The following SYNE1 variants were observed in gnomAD, a reference collection of about 807,000 sequenced individuals.
SYNE1 encodes nesprin-1.
Under a neutral mutation model 1,111.0 loss-of-function variants are expected in SYNE1, and 616 were observed. The ratio of observed to expected loss-of-function variants is 0.55; its 90% CI spans 0.52 to 0.59. SYNE1 has a LOEUF of 0.59. Ranked by LOEUF, SYNE1 falls within the 20% of genes least tolerant of loss-of-function variation. The probability of loss-of-function intolerance (pLI) is 0.00; values close to 1 mark genes in which losing one functional copy is unlikely to be tolerated. For synonymous variants in SYNE1, 3,855 were observed against 3,825.8 expected, an observed-to-expected ratio of 1.01 and a Z score of -0.28; for missense variants, 10,006 against 10,417.0, an observed-to-expected ratio of 0.96 and a Z score of 1.72.
chr6:152,148,237 C>T lies in SYNE1; in HGVS notation c.24784G>A (p.Ala8262Thr), dbSNP rs886043013. 1.1e-5 allele frequency: 17 copies of T among 1,613,634 alleles called. No individual in the cohort carries two copies. The highest frequency in any genetic ancestry group is 1.6e-4 in the Middle Eastern group (1 of 6,084). ...GACCGCTCGCTCCGGAGGGGCTGAG[C>T]GAGCGAGAGGGAGAGATTGGAGGAA... ...QPSSNLSLSL[A>T]QPLRSERSGR... is the part of the protein sequence containing the mutation. Residue 8262 changes from alanine to threonine, a missense_variant, in exon 137 of 146, where the codon GCT becomes ACT. By Grantham distance (58) the Ala-to-Thr change is moderately conservative (BLOSUM62 0). Transcript: ENST00000367255. This position sits in a 1 kb window ranked among gnomAD's most constrained non-coding sequence, Gnocchi z 4.1.
At chr6:152,363,319 C>T (rs1397802134) in intron 63 of SYNE1, among the ~76,000 whole-genome samples, 1 of 148,734 alleles carries the variant, frequency 6.7e-6, no homozygotes, top group Non-Finnish European at 1.5e-5. Context: ...ACAGTGAAAC[C>T]CCGTCTCTAC....
chr6:152,567,311 A>G (rs2099417097), intron 3 of SYNE1, among the ~76,000 whole-genome samples: 1 of 149,660 alleles, frequency 6.7e-6, no homozygotes, highest in South Asian at 2.1e-4. Flanking sequence ...AATGCTAAGC[A>G]TAACCATTTT....
intron 104 of SYNE1, among the ~76,000 whole-genome samples, 180 bp downstream of exon 104, chr6:152,254,688 CCTTCCATTTCTA>C (rs1437294586): frequency 6.6e-6 from 1 of 152,146 alleles, no homozygotes; most frequent in East Asian, 1.9e-4. Flanking sequence ...GTTTTCTCAA[CCTTCCATTTCTA>C]GGAGCAAAAA....
chr6:152,148,463 AT>A lies in SYNE1; in HGVS notation c.24643-86del. On this transcript the variant is annotated intron_variant, in intron 136 of 145. Transcript: ENST00000367255. The surrounding 1 kb of genome is among the most constrained non-coding windows in gnomAD (Gnocchi z 4.1). ...GCCACCTGCCTACCATGTGGGGACAATTTTTAACTTCTTATGAGCAAATAAA... is the reference window on the plus strand; with the variant it reads ...GCCACCTGCCTACCATGTGGGGACAATTTTAACTTCTTATGAGCAAATAAA... The A allele has an allele frequency of 8.2e-7, 1 of 1,216,972 alleles. No individual in the cohort carries two copies. Among genetic ancestry groups the A allele is most frequent in the Non-Finnish European group, 1.2e-6 (1 of 847,962 alleles). 75.4% of individuals were successfully genotyped at this position (1,216,972 alleles called of 1,614,324 possible). A position where few individuals can be genotyped will look rare whatever the true frequency, so the allele number is the denominator to read the frequency against.
At chr6:152,508,739 G>A (rs1426097955) in intron 8 of SYNE1, among the ~76,000 whole-genome samples, 2 of 152,286 alleles carry the variant, frequency 1.3e-5, no homozygotes, top group African/African-American at 4.8e-5. Flanking sequence ...AGCAATGTGG[G>A]AAGGGTTTTT....
chr6:152,435,792 T>G (rs2098469031), intron 33 of SYNE1, 149 bp downstream of exon 33: 2 of 969,028 alleles, frequency 2.1e-6, no homozygotes, highest in African/African-American at 3.3e-5. Flanking sequence ...AGCGATACTT[T>G]CTTTTGAACT....
intron 52 of SYNE1, among the ~76,000 whole-genome samples, 197 bp downstream of exon 52, chr6:152,391,080 A>G (rs2154133335): frequency 6.6e-6 from 1 of 152,352 alleles, no homozygotes; most frequent in African/African-American, 2.4e-5. Flanking sequence ...AATTATTTAA[A>G]GCTATTAAAA....
intron 4 of SYNE1, among the ~76,000 whole-genome samples, chr6:152,535,652 A>G (rs1215978732): frequency 6.6e-6 from 1 of 152,210 alleles, no homozygotes; most frequent in African/African-American, 2.4e-5. Flanking sequence ...CTATTTGATA[A>G]AATGAGAGAA....
chr6:152,404,132 C>T, intron 46 of SYNE1, 81 bp downstream of exon 46: 1 of 898,198 alleles, frequency 1.1e-6, no homozygotes, highest in South Asian at 1.3e-5. Flanking sequence ...CACACACACA[C>T]ACACAGAGAC....
intron 101 of SYNE1, among the ~76,000 whole-genome samples, chr6:152,259,138 C>T (rs144190380): frequency 6.6e-6 from 1 of 152,276 alleles, no homozygotes; most frequent in East Asian, 1.9e-4. Context: ...CCCATTGCAG[C>T]TGGGATATCC....
At position 152,130,765 on chromosome 6, in the gene SYNE1, C is replaced by T. The variant is rs759937382; in HGVS notation, c.26108G>A (p.Cys8703Tyr). 4 of 1,614,046 alleles carry T rather than the reference C, an allele frequency of 2.5e-6. No homozygotes were observed. The highest frequency in any genetic ancestry group is 1.7e-5 in the Admixed American group (1 of 60,010). ...PNRQKTPRGKCSLSQPGPSVS... is the reference protein window; with the variant it reads ...PNRQKTPRGKYSLSQPGPSVS... ...AGAGGGTCCAGGCTGTGAGAGACTA[C>T]ACTTGCCTCGTGGCTGTTTGCAATG... The change falls in exon 145 of 146, where the codon TGT becomes TAT. Residue 8703 changes from cysteine to tyrosine, a missense_variant. This residue lies in a region of SYNE1 where 761 missense variants were observed against 795.5 expected (regional missense o/e 0.96). Coordinates refer to ENST00000367255, the MANE Select transcript of SYNE1 (RefSeq NM_182961.4).
At chr6:152,249,549 A>G (rs2088479996) in intron 104 of SYNE1, among the ~76,000 whole-genome samples, 1 of 152,240 alleles carries the variant, frequency 6.6e-6, no homozygotes, top group Non-Finnish European at 1.5e-5. Context: ...TTACATCCGA[A>G]ATAAATGAGC....
chr6:152,427,557 T>G (rs891989961), intron 38 of SYNE1, 136 bp downstream of exon 38: 1 of 1,050,434 alleles, frequency 9.5e-7, no homozygotes, highest in African/African-American at 1.6e-5. Context: ...AACACCCTGA[T>G]GTCAAATGAT....
chr6:152,367,776 T>A, intron 61 of SYNE1: 1 of 233,914 alleles, frequency 4.3e-6, no homozygotes, highest in South Asian at 6.3e-5. Flanking sequence ...AAAAAAAAAA[T>A]AATCTGAGAT....
At chr6:152,179,905 G>A (rs1294711164) in intron 129 of SYNE1, among the ~76,000 whole-genome samples, 4 of 151,700 alleles carry the variant, frequency 2.6e-5, no homozygotes, top group Non-Finnish European at 5.9e-5. Context: ...GGATGGTCTT[G>A]ATCTCCTGAC....
chr6:152,499,616 T>C (rs368388499), intron 10 of SYNE1, among the ~76,000 whole-genome samples: 1 of 152,226 alleles, frequency 6.6e-6, no homozygotes, highest in African/African-American at 2.4e-5. Context: ...TTACAAAATA[T>C]TAAAGGTTCA....
chr6:152,416,779 C>G lies in SYNE1; in HGVS notation c.5658G>C (p.Gln1886His), dbSNP rs1305356670. 1 of 1,614,232 alleles carries G rather than the reference C, an allele frequency of 6.2e-7. No individual in the cohort carries two copies. Among genetic ancestry groups the G allele is most frequent in the African/African-American group, 1.3e-5 (1 of 75,058 alleles). ...TGGTTGCTTCCACTGTTTGCCTCAG[C>G]TGGCGGAGAATGCCGGACAGAGAGG... Reference protein sequence around the residue: ...SHASLSGILRQLRQTVEATNS... With the variant: ...SHASLSGILRHLRQTVEATNS... The change falls in exon 41 of 146, where the codon CAG becomes CAC. Residue 1886 changes from glutamine (Q) to histidine (H), a missense_variant. By Grantham distance (24) the Gln-to-His change is conservative. Coordinates refer to ENST00000367255, the MANE Select transcript of SYNE1 (RefSeq NM_182961.4).
At chr6:152,430,003 C>T in intron 36 of SYNE1, 109 bp downstream of exon 36, 1 of 765,084 alleles carries the variant, frequency 1.3e-6, no homozygotes, top group East Asian at 2.7e-5. Flanking sequence ...CTAATATAAA[C>T]ATTTTTCCAA....
chr6:152,255,361 TGTGATACATA>T (rs1365664104), intron 103 of SYNE1, among the ~76,000 whole-genome samples: 2 of 152,272 alleles, frequency 1.3e-5, no homozygotes, highest in African/African-American at 4.8e-5. Flanking sequence ...TTGGAAGATT[TGTGATACATA>T]ACAGTGTTTC....
Sources: gnomAD v4.1 joint callset for allele counts (sites outside exome capture counted in the v4.1 genomes callset) on GRCh38, gnomAD v4.1.1 for gene constraint, gnomAD v4.1.1 regional missense constraint, Gnocchi (gnomAD v3.1) non-coding constraint, MANE v1.5 for transcripts, NCBI Gene and HGNC (gene_info 2026-07-23, HGNC 2026-07-21) for gene names.